The following KIF6 variants were observed in gnomAD, a reference collection of about 807,000 sequenced individuals.
KIF6 encodes the protein kinesin family member 6.
Under a neutral mutation model 112.7 loss-of-function variants are expected in KIF6, and 106 were observed. The ratio of observed to expected loss-of-function variants is 0.94; its 90% CI spans 0.80 to 1.11. The LOEUF (loss-of-function observed/expected upper bound fraction) is 1.11, where lower values mean the gene tolerates loss of function less well. Ranked by LOEUF, KIF6 falls within the 50% of genes least tolerant of loss-of-function variation. KIF6 has a pLI of 0.00. For synonymous variants in KIF6, 339 were observed against 339.9 expected, an observed-to-expected ratio of 1.00 and a Z score of 0.03; for missense variants, 929 against 964.0, an observed-to-expected ratio of 0.96 and a Z score of 0.48.
chr6:39,641,727 T>C (rs1416106357), intron 3 of KIF6, among the ~76,000 whole-genome samples: 2 of 151,968 alleles, frequency 1.3e-5, no homozygotes, highest in Admixed American at 6.6e-5. Context: ...CATTTTGATA[T>C]AGATATAGAC....
At chr6:39,472,832 ATTC>A (rs1379713518) in intron 13 of KIF6, among the ~76,000 whole-genome samples, 1 of 151,600 alleles carries the variant, frequency 6.6e-6, no homozygotes, top group African/African-American at 2.4e-5. Flanking sequence ...ATGTCACCAG[ATTC>A]TTCAATAACA....
At chr6:39,355,381 G>C (rs536774005) in intron 19 of KIF6, among the ~76,000 whole-genome samples, 1 of 151,794 alleles carries the variant, frequency 6.6e-6, no homozygotes, top group African/African-American at 2.4e-5. Context: ...CAGATTGGAG[G>C]ATCTGGGAAA....
intron 16 of KIF6, 56 bp from the exon 17 acceptor site, chr6:39,362,574 T>C: frequency 7.7e-7 from 1 of 1,306,410 alleles, no homozygotes. Context: ...AGGAAGAGTG[T>C]GATATTTGGG....
At chr6:39,522,429 T>C (rs1283964604) in intron 13 of KIF6, among the ~76,000 whole-genome samples, 1 of 152,206 alleles carries the variant, frequency 6.6e-6, no homozygotes, top group Non-Finnish European at 1.5e-5. Context: ...CTTCTCAATA[T>C]CTTGAATGAC....
chr6:39,646,707 G>C (rs374277446), intron 3 of KIF6, among the ~76,000 whole-genome samples: 50 of 152,294 alleles, frequency 3.3e-4, no homozygotes, highest in African/African-American at 1.2e-3. Context: ...AATTTTTTAA[G>C]CTAATAGAAA....
chr6:39,569,319 T>G (rs1057199119), intron 10 of KIF6, among the ~76,000 whole-genome samples: 9 of 152,218 alleles, frequency 5.9e-5, no homozygotes, highest in Admixed American at 5.2e-4. Flanking sequence ...TATTTATTTA[T>G]TTTATTTGTT....
intron 15 of KIF6, among the ~76,000 whole-genome samples, chr6:39,414,986 A>G (rs1469886691): frequency 1.3e-5 from 2 of 151,994 alleles, no homozygotes; most frequent in African/African-American, 4.8e-5. Context: ...CAGGAGTTCA[A>G]GATCAGCCTG....
chr6:39,635,665 C>T (rs1784587850), intron 4 of KIF6, among the ~76,000 whole-genome samples: 1 of 151,964 alleles, frequency 6.6e-6, no homozygotes, highest in African/African-American at 2.4e-5. Context: ...ACATAGGCAT[C>T]AATGTAATGA....
intron 5 of KIF6, among the ~76,000 whole-genome samples, chr6:39,617,272 G>T (rs1273381518): frequency 6.6e-6 from 1 of 152,090 alleles, no homozygotes; most frequent in Non-Finnish European, 1.5e-5. Context: ...TTTTCCATTT[G>T]GCTAAGTAGT....
intron 13 of KIF6, among the ~76,000 whole-genome samples, chr6:39,476,518 C>T (rs185406995): frequency 6.6e-6 from 1 of 152,306 alleles, no homozygotes; most frequent in Admixed American, 6.5e-5. Context: ...CCTGCACCAT[C>T]AGAAGGAGCT....
intron 3 of KIF6, among the ~76,000 whole-genome samples, chr6:39,675,872 T>C (rs2113754458): frequency 6.6e-6 from 1 of 151,902 alleles, no homozygotes; most frequent in East Asian, 1.9e-4. Flanking sequence ...AGATTAGACA[T>C]AGGTGAGAAA....
chr6:39,718,729 C>T lies in KIF6; in HGVS notation c.176+1973G>A, dbSNP rs532962879. ...CCAGCCTGGGTGACAGAGTGAGAACCTGTCTTAGAAAAAAAAAAAAAAAAG... is the reference window on the plus strand; with the variant it reads ...CCAGCCTGGGTGACAGAGTGAGAACTTGTCTTAGAAAAAAAAAAAAAAAAG... On this transcript the variant is annotated intron_variant, in intron 2 of 22. Transcript: ENST00000287152. Among the ~76,000 whole-genome samples, 3 of 145,968 alleles carry T rather than the reference C, an allele frequency of 2.1e-5. No homozygotes were observed. The East Asian group carries it at 5.9e-4, about 29-fold the overall frequency.
intron 4 of KIF6, among the ~76,000 whole-genome samples, chr6:39,638,464 T>A (rs1361231313): frequency 6.6e-6 from 1 of 152,006 alleles, no homozygotes; most frequent in Non-Finnish European, 1.5e-5. Context: ...CAGAAATAAG[T>A]GAGTAAATGA....
chr6:39,600,236 A>G (rs1172273497), intron 6 of KIF6, among the ~76,000 whole-genome samples: 1 of 152,200 alleles, frequency 6.6e-6, no homozygotes, highest in Non-Finnish European at 1.5e-5. Context: ...TTAAGCACAC[A>G]TTTTAAACAA....
At chr6:39,445,551 C>T (rs774373936) in intron 13 of KIF6, among the ~76,000 whole-genome samples, 1 of 152,112 alleles carries the variant, frequency 6.6e-6, no homozygotes, top group Non-Finnish European at 1.5e-5. Flanking sequence ...CAATTTAGCT[C>T]AGCACTGAGG....
At chr6:39,409,307 TCCCTGGCCA>T (rs1769313198) in intron 15 of KIF6, among the ~76,000 whole-genome samples, 2 of 152,280 alleles carry the variant, frequency 1.3e-5, no homozygotes, top group South Asian at 4.1e-4. Context: ...CTAGTTGAAG[TCCCTGGCCA>T]CCCTTTTGGC....
At position 39,379,182 on chromosome 6, in the gene KIF6, C is replaced by T. The variant is rs537534054; in HGVS notation, c.1861+6440G>A. Reference sequence around the variant, plus strand: ...CTGTCAGAAAATGAAAACTATGTAACTCTGGGTGCCTCTTTTTTGCTTAGC... The same window carrying T: ...CTGTCAGAAAATGAAAACTATGTAATTCTGGGTGCCTCTTTTTTGCTTAGC... On this transcript the variant is annotated intron_variant, in intron 16 of 22. Coordinates refer to ENST00000287152, the MANE Select transcript of KIF6 (RefSeq NM_145027.6). Among the ~76,000 whole-genome samples the T allele has an allele frequency of 1.1e-4, 17 of 152,294 alleles. No homozygotes were observed. The South Asian group carries it at 1.5e-3, about 13-fold the overall frequency.
At chr6:39,560,640 G>A (rs1425753546) in intron 10 of KIF6, among the ~76,000 whole-genome samples, 1 of 152,160 alleles carries the variant, frequency 6.6e-6, no homozygotes. Context: ...CTTCTCTTGT[G>A]ACAGGTAGAA....
At chr6:39,421,847 G>C (rs1386557174) in intron 14 of KIF6, among the ~76,000 whole-genome samples, 1 of 152,194 alleles carries the variant, frequency 6.6e-6, no homozygotes, top group Middle Eastern at 3.2e-3. Context: ...ACAGGTCACT[G>C]TGCTGGGCTC....
Sources: gnomAD v4.1 joint callset for allele counts (sites outside exome capture counted in the v4.1 genomes callset) on GRCh38, gnomAD v4.1.1 for gene constraint, MANE v1.5 for transcripts, NCBI Gene and HGNC (gene_info 2026-07-23, HGNC 2026-07-21) for gene names.